The following KIRREL3 variants were observed in gnomAD, a reference collection of about 807,000 sequenced individuals.
The protein encoded by KIRREL3 is kin of IRRE-like protein 3.
KIRREL3 carries 36 observed loss-of-function variants against 89.7 expected under a neutral mutation model. The ratio of observed to expected loss-of-function variants is 0.40; its 90% CI spans 0.31 to 0.53. The LOEUF is 0.53. KIRREL3 is among the 20% of genes least tolerant of loss of function. The pLI is 0.49. For missense variants in KIRREL3, 864 were observed against 1,056.6 expected, an observed-to-expected ratio of 0.82 and a Z score of 2.53; for synonymous variants, 445 against 441.4, an observed-to-expected ratio of 1.01 and a Z score of -0.10.
In KIRREL3 at chr11:126,876,289, G is replaced by GC. The variant is rs556834086; in HGVS notation, c.55+124165dup. Among the ~76,000 whole-genome samples the GC allele has an allele frequency of 5.3e-5, 8 of 152,188 alleles. No individual in the cohort carries two copies. Among genetic ancestry groups the GC allele is most frequent in the Non-Finnish European group, 8.8e-5 (6 of 68,024 alleles). On this transcript the variant is annotated intron_variant, in intron 1 of 16. Transcript: ENST00000525144. This position sits in a 1 kb window ranked among gnomAD's most constrained non-coding sequence, Gnocchi z 4.1. ...TCAGGAAGAAACAGATCTGCTGGAG[G>GC]CAACGATCTCTAGACTCAGTTTCTC...
intron 1 of KIRREL3, among the ~76,000 whole-genome samples, chr11:126,854,823 A>G (rs189801884): frequency 2.6e-5 from 4 of 152,278 alleles, no homozygotes; most frequent in East Asian, 3.9e-4. Context: ...TGGCAGCACC[A>G]TTTTCACATT....
intron 1 of KIRREL3, among the ~76,000 whole-genome samples, chr11:126,937,454 C>T (rs1299482511): frequency 3.9e-5 from 6 of 152,218 alleles, no homozygotes; most frequent in African/African-American, 7.2e-5. Flanking sequence ...TGACAGGCCC[C>T]GTCATTATCG....
rs146284454 is a variant in KIRREL3, at chr11:126,569,692, G to A, written c.56-6780C>T. 2.0e-5 allele frequency among the ~76,000 whole-genome samples: 3 copies of A among 152,324 alleles called. No individual in the cohort carries two copies. Among genetic ancestry groups the A allele is most frequent in the African/African-American group, 7.2e-5 (3 of 41,562 alleles). ...GCATGAATGGCAATTCTTACTGCAG[G>A]AGTCCCCAGGAGGAAAAGACAGCTT... On this transcript the variant is annotated intron_variant, in intron 1 of 16. Transcript: ENST00000525144. The surrounding 1 kb of genome is among the most constrained non-coding windows in gnomAD (Gnocchi z 6.5).
intron 5 of KIRREL3, among the ~76,000 whole-genome samples, chr11:126,464,517 T>C (rs1956655714): frequency 6.7e-6 from 1 of 148,776 alleles, no homozygotes; most frequent in African/African-American, 2.5e-5. Context: ...GGCCACAGAG[T>C]GAGACCCTGC....
rs1945804787 is a variant in KIRREL3 at position 126,668,764 on chromosome 11, T to A, written c.56-105852A>T. 6.6e-6 allele frequency among the ~76,000 whole-genome samples: 1 copy of A among 150,548 alleles called. No individual in the cohort carries two copies. The highest frequency in any genetic ancestry group is 6.6e-5 in the Admixed American group (1 of 15,062). ...TTCTTTCTTTCTTTCTTTTTTCTCT[T>A]TCTTTCTTTCAAAAAAGTTCAATTC... is the stretch of plus-strand genomic sequence containing the variant. On this transcript the variant is annotated intron_variant, in intron 1 of 16. Coordinates refer to ENST00000525144, the MANE Select transcript of KIRREL3 (RefSeq NM_032531.4). The surrounding 1 kb of genome is among the most constrained non-coding windows in gnomAD (Gnocchi z 4.4).
intron 1 of KIRREL3, among the ~76,000 whole-genome samples, chr11:126,951,665 A>C (rs919374217): frequency 1.3e-5 from 2 of 152,226 alleles, no homozygotes; most frequent in South Asian, 4.1e-4. Context: ...TCATGGAATG[A>C]GTAATTGAAC....
At chr11:126,626,096 A>G (rs1355865952) in intron 1 of KIRREL3, among the ~76,000 whole-genome samples, 2 of 152,230 alleles carry the variant, frequency 1.3e-5, no homozygotes, top group Non-Finnish European at 2.9e-5. Context: ...AGGGACTATC[A>G]GTAGGGTATA....
intron 1 of KIRREL3, among the ~76,000 whole-genome samples, chr11:126,952,494 C>T (rs1006811916): frequency 9.2e-5 from 14 of 152,054 alleles, no homozygotes; most frequent in African/African-American, 1.4e-4. Context: ...CTTTGTCAGA[C>T]GAATAGATTG....
At position 126,515,449 on chromosome 11, in the gene KIRREL3, C is replaced by CA. The variant is rs922710386; in HGVS notation, c.433+5865dup. On this transcript the variant is annotated intron_variant, in intron 4 of 16. Coordinates refer to ENST00000525144, the MANE Select transcript of KIRREL3 (RefSeq NM_032531.4). This position sits in a 1 kb window ranked among gnomAD's most constrained non-coding sequence, Gnocchi z 4.2. ...TGGATGACAGAGCAAGACCCTGACT[C>CA]AAAAAAAAGATGCCTAAGGAAGTGA... Among the ~76,000 whole-genome samples, 5 of 151,630 alleles carry CA rather than the reference C, an allele frequency of 3.3e-5. No homozygotes were observed. Among genetic ancestry groups the CA allele is most frequent in the African/African-American group, 7.3e-5 (3 of 41,334 alleles).
intron 1 of KIRREL3, among the ~76,000 whole-genome samples, chr11:126,726,235 A>G (rs61897902): frequency 0.075 from 11,485 of 152,298 alleles, 667 homozygotes; most frequent in African/African-American, 0.16. Flanking sequence ...TAGGGGAACT[A>G]TTAAGTCTCA....
chr11:126,595,677 T>G (rs746970959), intron 1 of KIRREL3, among the ~76,000 whole-genome samples: 3 of 152,162 alleles, frequency 2.0e-5, no homozygotes, highest in Non-Finnish European at 4.4e-5. Context: ...AGGACTAGAA[T>G]GAGTTCTTTT....
At chr11:126,831,571 A>G (rs897163068) in intron 1 of KIRREL3, among the ~76,000 whole-genome samples, 2 of 152,132 alleles carry the variant, frequency 1.3e-5, no homozygotes, top group African/African-American at 4.8e-5. Flanking sequence ...TTCTAAGAGG[A>G]CCAAGACACC....
At chr11:126,597,290 G>T (rs1942444302) in intron 1 of KIRREL3, among the ~76,000 whole-genome samples, 1 of 152,238 alleles carries the variant, frequency 6.6e-6, no homozygotes, top group South Asian at 2.1e-4. Flanking sequence ...ACACCAAAGG[G>T]CAGTGCCAGT....
chr11:126,732,054 C>T (rs1010470195), intron 1 of KIRREL3, among the ~76,000 whole-genome samples: 2 of 152,116 alleles, frequency 1.3e-5, no homozygotes, highest in Non-Finnish European at 2.9e-5. Flanking sequence ...TGGTTTCCAG[C>T]GAGTGCCAGG....
Position 126,808,871 on chromosome 11 carries a change from G to A in KIRREL3, c.55+191584C>T, listed in dbSNP as rs1326964020. 6.6e-6 allele frequency among the ~76,000 whole-genome samples: 1 copy of A among 152,192 alleles called. No individual in the cohort carries two copies. Among genetic ancestry groups the A allele is most frequent in the Non-Finnish European group, 1.5e-5 (1 of 68,044 alleles). On this transcript the variant is annotated intron_variant, in intron 1 of 16. Transcript: ENST00000525144. This position sits in a 1 kb window ranked among gnomAD's most constrained non-coding sequence, Gnocchi z 4.1. ...AGCTTATTAAATACCCAAAACAAAT[G>A]TTTATATAGCATGAGAAGGCCACTG...
In KIRREL3 at chr11:126,748,942, G is replaced by T; in HGVS notation, c.56-186030C>A. Among the ~76,000 whole-genome samples, 1 of 152,164 alleles carries T rather than the reference G, an allele frequency of 6.6e-6. No individual in the cohort carries two copies. The highest frequency in any genetic ancestry group is 1.9e-4 in the East Asian group (1 of 5,188). ...GCCTCGTAGGTGGGAGAGCCGCTTA[G>T]GTCCTCTTATGTGACCTCCATCCAG... On this transcript the variant is annotated intron_variant, in intron 1 of 16. Coordinates refer to ENST00000525144, the MANE Select transcript of KIRREL3 (RefSeq NM_032531.4). This position sits in a 1 kb window ranked among gnomAD's most constrained non-coding sequence, Gnocchi z 4.6.
rs1343407033 is a variant in KIRREL3 at position 126,867,264 on chromosome 11, TC to T, written c.55+133190del. On this transcript the variant is annotated intron_variant, in intron 1 of 16. Coordinates refer to ENST00000525144, the MANE Select transcript of KIRREL3 (RefSeq NM_032531.4). This position sits in a 1 kb window ranked among gnomAD's most constrained non-coding sequence, Gnocchi z 4.7. ...CCTGCCATGGGGATAAAGGAAATTC[TC>T]CCGTTTCAATAGCAGGTCTTCAGGA... Among the ~76,000 whole-genome samples, 2 of 152,226 alleles carry T rather than the reference TC, an allele frequency of 1.3e-5. No individual in the cohort carries two copies. The highest frequency in any genetic ancestry group is 4.8e-5 in the African/African-American group (2 of 41,462).
At chr11:126,986,942 G>A (rs1370899739) in intron 1 of KIRREL3, among the ~76,000 whole-genome samples, 3 of 152,172 alleles carry the variant, frequency 2.0e-5, no homozygotes, top group African/African-American at 7.2e-5. Context: ...GCTCCAAGCT[G>A]AGCAGGCCTC....
Position 126,643,393 on chromosome 11 carries a change from A to T in KIRREL3, c.56-80481T>A, listed in dbSNP as rs1944546477. Among the ~76,000 whole-genome samples, 1 of 152,210 alleles carries T rather than the reference A, an allele frequency of 6.6e-6. No homozygotes were observed. Among genetic ancestry groups the T allele is most frequent in the South Asian group, 2.1e-4 (1 of 4,820 alleles). ...GGCTAAAATTTACAGGAAGGATGGA[A>T]TTTGAGATGGTCTTGAAGAGGATTT... is the stretch of plus-strand genomic sequence containing the variant. On this transcript the variant is annotated intron_variant, in intron 1 of 16. Transcript: ENST00000525144. This position sits in a 1 kb window ranked among gnomAD's most constrained non-coding sequence, Gnocchi z 4.5.
Sources: allele counts gnomAD v4.1 joint callset (sites outside exome capture counted in the v4.1 genomes callset), GRCh38; gene constraint gnomAD v4.1.1; non-coding constraint Gnocchi (gnomAD v3.1); transcripts MANE v1.5; gene names NCBI Gene and HGNC (gene_info 2026-07-23, HGNC 2026-07-21).